The following ZNF226 variants were observed in gnomAD, a reference collection of about 807,000 sequenced individuals.
The protein encoded by ZNF226 is zinc finger protein 226, also known as Kruppel-associated box protein.
A neutral mutation model predicts 11.4 loss-of-function variants in ZNF226; 6 were observed. The observed-to-expected ratio is 0.53, with a 90% confidence interval of 0.29 to 1.04. The LOEUF (loss-of-function observed/expected upper bound fraction) is 1.04. Among genes scored for constraint, ZNF226 ranks in the 50% least tolerant of loss-of-function variants. The probability of loss-of-function intolerance (pLI) is 0.08; values close to 1 mark genes in which losing one functional copy is unlikely to be tolerated. For synonymous variants in ZNF226, 350 were observed against 322.8 expected (o/e 1.08, Z -0.90); for missense variants, 1,058 against 956.5 (o/e 1.11, Z -1.40).
intron 2 of ZNF226, among the ~76,000 whole-genome samples, chr19:44,168,998 CTTTTTTTT>C (rs34967576): frequency 7.7e-5 from 7 of 90,804 alleles, no homozygotes; most frequent in South Asian, 7.0e-4. Flanking sequence ...CTCCCTTTTC[CTTTTTTTT>C]TTTTTTTTTT....
intron 5 of ZNF226, 180 bp from the exon 6 acceptor site, chr19:44,175,317 CT>C (rs1970576899): frequency 1.4e-6 from 2 of 1,406,062 alleles, no homozygotes; most frequent in Middle Eastern, 2.6e-4. Context: ...TGGACCATCT[CT>C]TGGTTTTGGA....
chr19:44,176,151 G>C lies in ZNF226; in HGVS notation c.889G>C (p.Val297Leu). ...CTTCTGTTACAGCCCAGTTCTTCCT[G>C]TTCATCAGAAAGTACATGTGGGAGA... ...KGFCYSPVLP[V>L]HQKVHVGEKL... is the part of the protein sequence containing the mutation. The change falls in exon 6 of 6, where the codon GTT becomes CTT. Residue 297 changes from valine (V) to leucine (L), a missense_variant. Transcript: ENST00000337433. The C allele has an allele frequency of 6.2e-7, 1 of 1,614,128 alleles. No homozygotes were observed.
At chr19:44,179,353 T>G (rs73934471), downstream of ZNF226, among the ~76,000 whole-genome samples, 1,446 of 152,308 alleles carry the variant, frequency 9.5e-3, 29 homozygotes, top group African/African-American at 0.033. Flanking sequence ...TAAAATACTG[T>G]TATTTTACAG....
the ZNF226 span, among the ~76,000 whole-genome samples, chr19:44,195,350 C>T: frequency 6.6e-6 from 1 of 152,142 alleles, no homozygotes; most frequent in Non-Finnish European, 1.5e-5. Context: ...AATGTTGGTA[C>T]CTCACTAGAT....
In ZNF226 at chr19:44,170,201, G is replaced by A; in HGVS notation, c.15+106G>A. 3 of 1,135,812 alleles carry A rather than the reference G, an allele frequency of 2.6e-6. 1 individual carries two copies. Among genetic ancestry groups the A allele is most frequent in the South Asian group, 3.0e-5 (2 of 67,464 alleles). 70.4% of individuals were successfully genotyped at this position (1,135,812 alleles called of 1,614,324 possible). ...TAAGAGTCAAGGCATCTGATGACCT[G>A]TTGAGTGTGCTAGGTGCTTATTTTG... On this transcript the variant is annotated intron_variant, in intron 3 of 5. Coordinates refer to ENST00000337433, the MANE Select transcript of ZNF226 (RefSeq NM_001032373.2).
At chr19:44,168,350 A>G (rs1007139678) in intron 2 of ZNF226, among the ~76,000 whole-genome samples, 2 of 152,148 alleles carry the variant, frequency 1.3e-5, no homozygotes, top group African/African-American at 4.8e-5. Context: ...AGTGATGAAA[A>G]TGAAATTAGT....
chr19:44,175,627 C>T lies in ZNF226; in HGVS notation c.365C>T (p.Ser122Phe). The change falls in exon 6 of 6, where the codon TCT becomes TTT. Residue 122 changes from serine to phenylalanine, a missense_variant. By Grantham distance (155) the Ser-to-Phe change is radical. Coordinates refer to ENST00000337433, the MANE Select transcript of ZNF226 (RefSeq NM_001032373.2). ...TRCQDSMINN[S>F]QCHKQGDFPY... ...TGTCAAGACTCCATGATCAATAATT[C>T]TCAGTGTCACAAACAAGGTGATTTC... The T allele has an allele frequency of 6.2e-7, 1 of 1,613,900 alleles. No homozygotes were observed. Among genetic ancestry groups the T allele is most frequent in the Non-Finnish European group, 8.5e-7 (1 of 1,179,838 alleles).
chr19:44,175,526 T>C lies in ZNF226; in HGVS notation c.264T>C (p.Thr88=). The part of the protein sequence containing the change: ...LGEKNQSKLI[T]VQDRESEEEL... ...AGAAAAATCAAAGTAAGTTAATTAC[T>C]GTTCAAGACAGAGAATCAGAAGAAG... Residue 88 remains threonine (T), a synonymous_variant, in exon 6 of 6, where the codon ACT becomes ACC. Coordinates refer to ENST00000337433, the MANE Select transcript of ZNF226 (RefSeq NM_001032373.2). 1 of 1,599,838 alleles carries C rather than the reference T, an allele frequency of 6.3e-7. No individual in the cohort carries two copies. The highest frequency in any genetic ancestry group is 8.5e-7 in the Non-Finnish European group (1 of 1,175,422).
At position 44,175,990 on chromosome 19, in the gene ZNF226, G is replaced by A. The variant is rs776815450; in HGVS notation, c.728G>A (p.Ser243Asn). 2 of 1,613,854 alleles carry A rather than the reference G, an allele frequency of 1.2e-6. No homozygotes were observed. Among genetic ancestry groups the A allele is most frequent in the East Asian group, 4.5e-5 (2 of 44,880 alleles). Residue 243 changes from serine (S) to asparagine (N), a missense_variant, in exon 6 of 6, where the codon AGC (serine) becomes AAC (asparagine). Transcript: ENST00000337433. Reference sequence around the variant, plus strand: ...AAGATTTTGACATTTGATCACAATAGCATGATTCACACAGGACAGAAATCG... The same window carrying A: ...AAGATTTTGACATTTGATCACAATAACATGATTCACACAGGACAGAAATCG... ...NMKILTFDHN[S>N]MIHTGQKSYQ...
At chr19:44,189,959 A>C in the ZNF226 span, among the ~76,000 whole-genome samples, 4 of 152,236 alleles carry the variant, frequency 2.6e-5, no homozygotes, top group Admixed American at 2.6e-4. Context: ...TTTAGGAAAG[A>C]GTAGTTCCCA....
Position 44,173,539 on chromosome 19 carries a change from A to G in ZNF226, c.235+587A>G, listed in dbSNP as rs115434660. 980 of 152,706 alleles carry G rather than the reference A, an allele frequency of 6.4e-3. 6 individuals carry two copies. The highest frequency in any genetic ancestry group is 0.013 in the Admixed American group (193 of 15,300). 9.5% of individuals were successfully genotyped at this position (152,706 alleles called of 1,614,324 possible). On this transcript the variant is annotated intron_variant, in intron 5 of 5. Transcript: ENST00000337433. ...TCGCGAGGCTGAGGTGGGCAGATCAATCATGAGGTCAGGAGATCGAGACCA... is the reference window on the plus strand; with the variant it reads ...TCGCGAGGCTGAGGTGGGCAGATCAGTCATGAGGTCAGGAGATCGAGACCA...
At chr19:44,188,403 C>G in the ZNF226 span, among the ~76,000 whole-genome samples, 1 of 152,074 alleles carries the variant, frequency 6.6e-6, no homozygotes, top group Non-Finnish European at 1.5e-5. Flanking sequence ...AAGAATGAAC[C>G]GTTGCATTTG....
chr19:44,176,001 A>G lies in ZNF226; in HGVS notation c.739A>G (p.Thr247Ala). ...ATTTGATCACAATAGCATGATTCAC[A>G]CAGGACAGAAATCGTACCAGTGTAA... ...LTFDHNSMIH[T>A]GQKSYQCNEC... The change falls in exon 6 of 6, where the codon ACA becomes GCA. Residue 247 changes from threonine to alanine, a missense_variant. By Grantham distance (58) the Thr-to-Ala change is moderately conservative (BLOSUM62 0). Transcript: ENST00000337433. The G allele has an allele frequency of 6.2e-7, 1 of 1,613,986 alleles. No individual in the cohort carries two copies. The highest frequency in any genetic ancestry group is 1.1e-5 in the South Asian group (1 of 91,076).
Position 44,177,230 on chromosome 19 carries a change from A to G in ZNF226, c.1968A>G (p.Ala656=). 6.2e-7 allele frequency: 1 copy of G among 1,613,984 alleles called. No individual in the cohort carries two copies. The highest frequency in any genetic ancestry group is 8.5e-7 in the Non-Finnish European group (1 of 1,179,992). Residue 656 remains alanine (A), a synonymous_variant, in exon 6 of 6, where the codon GCA becomes GCG. Coordinates refer to ENST00000337433, the MANE Select transcript of ZNF226 (RefSeq NM_001032373.2). The part of the protein sequence containing the change: ...EECGKSFGRS[A]HLQAHQKVHT... ...GTGGGAAGAGTTTCGGTCGGAGTGC[A>G]CATCTTCAAGCCCATCAAAAAGTCC...
At chr19:44,172,737 ATTTAAATAAAAG>A (rs1330660329) in intron 4 of ZNF226, 111 bp from the exon 5 acceptor site, 93 of 740,488 alleles carry the variant, frequency 1.3e-4, no homozygotes, top group Non-Finnish European at 2.0e-4. Flanking sequence ...TGAAGTCACA[ATTTAAATAAAAG>A]TTTGAAAAAC....
downstream of ZNF226, among the ~76,000 whole-genome samples, chr19:44,178,963 T>C (rs1351620955): frequency 6.6e-6 from 1 of 152,250 alleles, no homozygotes; most frequent in East Asian, 1.9e-4. Flanking sequence ...GTGGATCACC[T>C]AAGGTCAGGA....
intron 2 of ZNF226, among the ~76,000 whole-genome samples, chr19:44,169,319 G>A (rs1181936429): frequency 6.6e-6 from 1 of 152,006 alleles, no homozygotes; most frequent in East Asian, 1.9e-4. Context: ...CCAGGTTCCT[G>A]CATTTTTAAT....
the ZNF226 span, among the ~76,000 whole-genome samples, chr19:44,194,479 A>T: frequency 1.3e-5 from 2 of 151,680 alleles, no homozygotes; most frequent in Non-Finnish European, 2.9e-5. Context: ...GGGTCTTGTT[A>T]TGTTGCCCAG....
chr19:44,189,674 T>G, the ZNF226 span, among the ~76,000 whole-genome samples: 1 of 152,188 alleles, frequency 6.6e-6, no homozygotes, highest in South Asian at 2.1e-4. Context: ...ATTGTAAAAT[T>G]TTAACTACAC....
Sources: gnomAD v4.1 joint callset for allele counts (sites outside exome capture counted in the v4.1 genomes callset) on GRCh38, gnomAD v4.1.1 for gene constraint, MANE v1.5 for transcripts, NCBI Gene and HGNC (gene_info 2026-07-23, HGNC 2026-07-21) for gene names.